MAT2A: variants seen among roughly 807,000 people sequenced by gnomAD.
MAT2A encodes methionine adenosyltransferase 2A, also known as S-adenosylmethionine synthase isoform type-2.
MAT2A carries 3 observed loss-of-function variants against 43.9 expected under a neutral mutation model. The ratio of observed to expected loss-of-function variants is 0.07; its 90% confidence interval spans 0.03 to 0.18. The LOEUF (loss-of-function observed/expected upper bound fraction) is 0.18, where lower values mean the gene tolerates loss of function less well. Ranked by LOEUF, MAT2A falls within the 10% of genes least tolerant of loss-of-function variation. MAT2A has a pLI of 1.00. For missense variants in MAT2A, 204 were observed against 489.0 expected, an observed-to-expected ratio of 0.42 and a Z score of 5.50; for synonymous variants, 200 against 168.4, an observed-to-expected ratio of 1.19 and a Z score of -1.45.
Position 85,539,657 on chromosome 2 carries a change from G to A in MAT2A, c.91+279G>A, listed in dbSNP as rs1401209364. On this transcript the variant is annotated intron_variant, in intron 1 of 8. Transcript: ENST00000306434. ...AAGGTTCCAGAAAACGTGAAGGGCG[G>A]GGGCTGTGGTCGCTAGTGAGTTCTG... The A allele has an allele frequency of 2.3e-5, 7 of 306,588 alleles. No individual in the cohort carries two copies. In the East Asian group the frequency reaches 5.2e-4, roughly 23 times the overall value. 19.0% of individuals were successfully genotyped at this position (306,588 alleles called of 1,614,324 possible).
At chr2:85,543,091 ATATACT>A in intron 8 of MAT2A, 57 bp downstream of exon 8, 1 of 1,570,560 alleles carries the variant, frequency 6.4e-7, no homozygotes, top group Non-Finnish European at 8.7e-7. Context: ...GTGTGTGTGT[ATATACT>A]TAAGGCTGAG....
At position 85,541,988 on chromosome 2, in the gene MAT2A, A is replaced by G; in HGVS notation, c.549+16A>G. 4 of 1,608,850 alleles carry G rather than the reference A, an allele frequency of 2.5e-6. No individual in the cohort carries two copies. The highest frequency in any genetic ancestry group is 3.4e-6 in the Non-Finnish European group (4 of 1,175,732). ...TAAAACTCAAGTAAGTGATGATCATAAAGCTTGGTTGTCTCATTTATTACA... is the reference window on the plus strand; with the variant it reads ...TAAAACTCAAGTAAGTGATGATCATGAAGCTTGGTTGTCTCATTTATTACA... On this transcript the variant is annotated intron_variant, in intron 5 of 8. Transcript: ENST00000306434.
rs1382671421 is a variant in MAT2A, at chr2:85,544,867, CTTAT to C, written c.*1101_*1104del. 1 of 152,566 alleles carries C rather than the reference CTTAT, an allele frequency of 6.6e-6. No homozygotes were observed. The highest frequency in any genetic ancestry group is 2.4e-5 in the African/African-American group (1 of 41,438). 9.5% of individuals were successfully genotyped at this position (152,566 alleles called of 1,614,324 possible). On this transcript the variant is annotated 3_prime_UTR_variant, in exon 9 of 9. Transcript: ENST00000306434. ...TTCATACTTGAACGTTTTCTAATTG[CTTAT>C]TTATTGTATTCTGGGGTATGGCGTA...
In MAT2A at chr2:85,542,063, C is replaced by T. The variant is rs975397717; in HGVS notation, c.549+91C>T. On this transcript the variant is annotated intron_variant, in intron 5 of 8. Transcript: ENST00000306434. The stretch of plus-strand genomic sequence containing the variant: ...GATAATAGCTAACTGGAAAAAATAG[C>T]ATTTGTTTTCCTATATTGTAACTTC... 9 of 1,575,994 alleles carry T rather than the reference C, an allele frequency of 5.7e-6. No homozygotes were observed. In the Admixed American group the frequency reaches 1.5e-4, roughly 27 times the overall value.
In MAT2A at chr2:85,541,884, T is replaced by C; in HGVS notation, c.461T>C (p.Ile154Thr). ...DETEECMPLT[I>T]VLAHKLNAKL... ...ACTGAGGAGTGTATGCCTTTAACCATTGTCTTGGCACACAAGCTAAATGCC... is the reference window on the plus strand; with the variant it reads ...ACTGAGGAGTGTATGCCTTTAACCACTGTCTTGGCACACAAGCTAAATGCC... The change falls in exon 5 of 9, where the codon ATT becomes ACT. Residue 154 changes from isoleucine (I) to threonine (T), a missense_variant. Ile to Thr is a moderately conservative substitution (Grantham distance 89). Transcript: ENST00000306434. The C allele has an allele frequency of 6.2e-7, 1 of 1,614,262 alleles. No homozygotes were observed. The highest frequency in any genetic ancestry group is 2.2e-5 in the East Asian group (1 of 44,894).
Position 85,541,207 on chromosome 2 carries a change from A to G in MAT2A, c.169+47A>G, listed in dbSNP as rs58507836. The stretch of plus-strand genomic sequence containing the variant: ...CAACTGGTGGAAAGATAGCATAAAA[A>G]TTATTTTTATAGAAGTGATGTTTGA... On this transcript the variant is annotated intron_variant, in intron 2 of 8. Coordinates refer to ENST00000306434, the MANE Select transcript of MAT2A (RefSeq NM_005911.6). 3.0e-3 allele frequency: 4,793 copies of G among 1,612,154 alleles called. 118 individuals carry two copies. The African/African-American group carries it at 0.054, about 18-fold the overall frequency.
At chr2:85,541,040 G>T (rs760766258) in intron 1 of MAT2A, 43 bp from the exon 2 acceptor site, 6 of 1,421,108 alleles carry the variant, frequency 4.2e-6, no homozygotes, top group Non-Finnish European at 4.9e-6. Flanking sequence ...TACATACTTT[G>T]TTTAAAGTTA....
At chr2:85,539,584 T>G in intron 1 of MAT2A, 2 of 447,332 alleles carry the variant, frequency 4.5e-6, no homozygotes, top group Non-Finnish European at 4.0e-6. Context: ...CTCTCCACCC[T>G]TCCCTTCCCC....
intron 1 of MAT2A, among the ~76,000 whole-genome samples, chr2:85,540,708 T>C (rs144137197): frequency 6.6e-6 from 1 of 152,234 alleles, no homozygotes. Context: ...TTTAATTGTT[T>C]AATCGAATTA....
rs41290031 is a variant in MAT2A at position 85,542,268 on chromosome 2, C to T, written c.663C>T (p.Ala221=). The change falls in exon 6 of 9, where the codon GCC becomes GCT. Residue 221 remains alanine, a synonymous_variant. Transcript: ENST00000306434. ...TTTGTCTTGATGAAATGAGGGATGC[C>T]CTAAAGGAGAAAGTCATCAAAGCAG... ...EEVCLDEMRD[A]LKEKVIKAVV... 1.5e-5 allele frequency: 25 copies of T among 1,613,742 alleles called. No individual in the cohort carries two copies. Among genetic ancestry groups the T allele is most frequent in the Non-Finnish European group, 1.9e-5 (23 of 1,179,876 alleles).
rs1313454758 is a variant in MAT2A, at chr2:85,541,814, C to T, written c.406-15C>T. The stretch of plus-strand genomic sequence containing the variant: ...TTCTGGAGCTTGATCACATTGGTGA[C>T]TTTTCTTTCTTTAGGGCTTAATGTT... On this transcript the variant is annotated splice_polypyrimidine_tract_variant and intron_variant, in intron 4 of 8. Transcript: ENST00000306434. 17 of 1,613,834 alleles carry T rather than the reference C, an allele frequency of 1.1e-5. No individual in the cohort carries two copies. In the East Asian group the frequency reaches 1.3e-4, roughly 13 times the overall value.
chr2:85,540,525 C>T (rs923229503), intron 1 of MAT2A, among the ~76,000 whole-genome samples: 1 of 152,120 alleles, frequency 6.6e-6, no homozygotes, highest in Non-Finnish European at 1.5e-5. Flanking sequence ...TTCAGAAAAA[C>T]GAACTTGAAT....
chr2:85,540,381 T>C (rs796471813), intron 1 of MAT2A, among the ~76,000 whole-genome samples: 9 of 152,324 alleles, frequency 5.9e-5, no homozygotes, highest in African/African-American at 2.2e-4. Flanking sequence ...CTTAGTGGTA[T>C]GAGAGGACAA....
chr2:85,544,125 C>A lies in MAT2A; in HGVS notation c.*353C>A, dbSNP rs1028075771. ...TTGCATTGACTTTCCCCACCAGATGCTGAAAATGTCCTTGTGATGTGCACG... is the reference window on the plus strand; with the variant it reads ...TTGCATTGACTTTCCCCACCAGATGATGAAAATGTCCTTGTGATGTGCACG... On this transcript the variant is annotated 3_prime_UTR_variant, in exon 9 of 9. Transcript: ENST00000306434. 5.8e-6 allele frequency: 1 copy of A among 173,842 alleles called. No individual in the cohort carries two copies. Among genetic ancestry groups the A allele is most frequent in the Admixed American group, 6.2e-5 (1 of 16,022 alleles). The allele number at this position is 173,842 out of a possible 1,614,324, so 10.8% of individuals were successfully genotyped here. A position where few individuals can be genotyped will look rare whatever the true frequency, so the allele number is the denominator to read the frequency against.
intron 1 of MAT2A, chr2:85,540,089 G>A (rs998185670): frequency 6.6e-6 from 1 of 152,288 alleles, no homozygotes; most frequent in Non-Finnish European, 1.5e-5. Flanking sequence ...CATGAATTAG[G>A]AGCTGCCATT....
chr2:85,540,944 CAATG>C (rs1422896959), intron 1 of MAT2A, 135 bp from the exon 2 acceptor site: 23 of 617,676 alleles, frequency 3.7e-5, no homozygotes, highest in Admixed American at 3.2e-4. Context: ...AGTGCAAACA[CAATG>C]AATTAAGATG....
chr2:85,541,180 A>C lies in MAT2A; in HGVS notation c.169+20A>C. ...CTTGTGGTAGGTTCAGAATGTGCTT[A>C]TCAACTGGTGGAAAGATAGCATAAA... On this transcript the variant is annotated intron_variant, in intron 2 of 8. Transcript: ENST00000306434. The C allele has an allele frequency of 6.2e-7, 1 of 1,613,234 alleles. No homozygotes were observed. The highest frequency in any genetic ancestry group is 8.5e-7 in the Non-Finnish European group (1 of 1,179,408).
chr2:85,543,192 CT>C (rs1338729251), intron 8 of MAT2A, 158 bp downstream of exon 8: 6 of 783,650 alleles, frequency 7.7e-6, no homozygotes, highest in Non-Finnish European at 1.2e-5. Context: ...TTAGTGAAGA[CT>C]TAGTTATTTG....
Position 85,543,718 on chromosome 2 carries a change from C to T in MAT2A, c.1134C>T (p.Gly378=). ...TTTATCAGAGGACTGCAGCCTATGG[C>T]CACTTTGGTAGGGACAGCTTCCCAT... ...KPIYQRTAAY[G]HFGRDSFPWE... Residue 378 remains glycine, a synonymous_variant, in exon 9 of 9, where the codon GGC becomes GGT. Coordinates refer to ENST00000306434, the MANE Select transcript of MAT2A (RefSeq NM_005911.6). 1 of 1,612,748 alleles carries T rather than the reference C, an allele frequency of 6.2e-7. No individual in the cohort carries two copies. The highest frequency in any genetic ancestry group is 1.3e-5 in the African/African-American group (1 of 75,018).
Sources: allele counts gnomAD v4.1 joint callset (sites outside exome capture counted in the v4.1 genomes callset), GRCh38; gene constraint gnomAD v4.1.1; transcripts MANE v1.5; gene names NCBI Gene and HGNC (gene_info 2026-07-23, HGNC 2026-07-21).